The following CIMAP1A variants were observed in gnomAD, a reference collection of about 807,000 sequenced individuals.
CIMAP1A encodes ciliary microtubule associated protein 1A.
chr11:197,540 C>G, the CIMAP1A span: 1 of 1,611,676 alleles, frequency 6.2e-7, no homozygotes, highest in South Asian at 1.1e-5. Flanking sequence ...CCGGGCTGCT[C>G]AGGGCCCATT....
At chr11:199,699 C>G in the CIMAP1A span, 1 of 1,435,924 alleles carries the variant, frequency 7.0e-7, no homozygotes, top group Admixed American at 2.8e-5. Flanking sequence ...CCTGAGGACC[C>G]TGTACATTTC....
the CIMAP1A span, chr11:199,962 T>C: frequency 3.1e-6 from 5 of 1,614,130 alleles, no homozygotes; most frequent in Admixed American, 1.7e-5. Flanking sequence ...GACCAAGCCC[T>C]GCGCCCCAGT....
chr11:200,171 A>C, the CIMAP1A span: 85 of 713,210 alleles, frequency 1.2e-4, no homozygotes, highest in African/African-American at 1.4e-3. Context: ...GGCAATTGTA[A>C]TCAGTTACTT....
At chr11:197,881 C>G in the CIMAP1A span, 3 of 1,485,806 alleles carry the variant, frequency 2.0e-6, no homozygotes, top group Admixed American at 2.2e-5. Context: ...TGGCCCCTCC[C>G]GTCCCATCTT....
the CIMAP1A span, chr11:198,590 G>C: frequency 6.2e-7 from 1 of 1,602,010 alleles, no homozygotes. Context: ...CACAAGGCAA[G>C]GGCCACCCCA....
At chr11:199,397 C>A in the CIMAP1A span, 1 of 1,575,352 alleles carries the variant, frequency 6.3e-7, no homozygotes, top group Non-Finnish European at 8.6e-7. Flanking sequence ...TACCGCCAAA[C>A]TGATGTGCGG....
At chr11:199,835 C>T in the CIMAP1A span, 2 of 1,495,116 alleles carry the variant, frequency 1.3e-6, no homozygotes. Context: ...TAGCTTCTGG[C>T]CACCTTGGCC....
At chr11:199,905 C>A in the CIMAP1A span, 2 of 1,609,834 alleles carry the variant, frequency 1.2e-6, no homozygotes, top group Admixed American at 1.7e-5. Context: ...CAGGTGGGGG[C>A]AGGGGTGCTG....
At chr11:199,586 G>A in the CIMAP1A span, 8 of 1,499,964 alleles carry the variant, frequency 5.3e-6, no homozygotes, top group South Asian at 1.2e-5. Context: ...GAAAGAGCAG[G>A]GAGGGGGGCT....
the CIMAP1A span, chr11:197,855 G>A: frequency 6.6e-7 from 1 of 1,514,724 alleles, no homozygotes; most frequent in African/African-American, 1.4e-5. Flanking sequence ...AAGGGTGTGG[G>A]AGAGCTCAGC....
chr11:198,852 A>G, the CIMAP1A span: 2 of 1,341,270 alleles, frequency 1.5e-6, no homozygotes, highest in Non-Finnish European at 1.9e-6. Context: ...CTGGAGAGAG[A>G]GAGGCAATCT....
chr11:197,450 C>G, the CIMAP1A span: 5 of 1,592,006 alleles, frequency 3.1e-6, no homozygotes, highest in South Asian at 5.6e-5. Flanking sequence ...GGGTCAGGAG[C>G]CAGGCGGGCA....
chr11:198,942 G>C, the CIMAP1A span: 4 of 1,188,846 alleles, frequency 3.4e-6, no homozygotes, highest in Non-Finnish European at 4.2e-6. Context: ...CCTGGTTTCA[G>C]AAACAGCCAG....
chr11:198,869 G>A, the CIMAP1A span: 123 of 1,307,380 alleles, frequency 9.4e-5, no homozygotes, highest in African/African-American at 1.6e-3. Context: ...ATCTTAGATA[G>A]GGTAGCATGG....
the CIMAP1A span, chr11:197,599 G>T: frequency 6.2e-7 from 1 of 1,613,414 alleles, no homozygotes; most frequent in Non-Finnish European, 8.5e-7. Flanking sequence ...GCGTGCACCG[G>T]CCTACAGCTT....
chr11:199,391 G>A, the CIMAP1A span: 40 of 1,574,352 alleles, frequency 2.5e-5, no homozygotes, highest in Admixed American at 1.3e-4. Flanking sequence ...GCAGCCTACC[G>A]CCAAACTGAT....
At chr11:197,730 C>A in the CIMAP1A span, 1 of 1,613,804 alleles carries the variant, frequency 6.2e-7, no homozygotes. Context: ...TGGGGCGCTA[C>A]CAAACCAAGA....
At chr11:200,134 C>A in the CIMAP1A span, 1 of 1,197,070 alleles carries the variant, frequency 8.4e-7, no homozygotes, top group Non-Finnish European at 1.2e-6. Flanking sequence ...GCCAGCCTGG[C>A]CCTGCAGGGC....
chr11:197,765 AGT>A, the CIMAP1A span: 1 of 1,613,060 alleles, frequency 6.2e-7, no homozygotes, highest in Non-Finnish European at 8.5e-7. Context: ...GGTCCAGGTT[AGT>A]GACCCTGTCT....
Sources: allele counts gnomAD v4.1 joint callset, GRCh38; gene constraint gnomAD v4.1.1; transcripts MANE v1.5; gene names NCBI Gene and HGNC (gene_info 2026-07-23, HGNC 2026-07-21).